Variants in CHGA observed in about 807,000 individuals in gnomAD.
CHGA encodes chromogranin A, also known as chromogranin-A.
A neutral mutation model predicts 54.4 loss-of-function variants in CHGA; 41 were observed. The observed-to-expected ratio is 0.75, with a 90% CI of 0.59 to 0.98. The LOEUF is 0.98. Ranked by LOEUF, CHGA falls within the 50% of genes least tolerant of loss-of-function variation. The probability of loss-of-function intolerance (pLI) is 0.00; values close to 1 mark genes in which losing one functional copy is unlikely to be tolerated. For synonymous variants in CHGA, 249 were observed against 232.8 expected, an observed-to-expected ratio of 1.07 and a Z score of -0.63; for missense variants, 576 against 582.3, an observed-to-expected ratio of 0.99 and a Z score of 0.11.
intron 7 of CHGA, among the ~76,000 whole-genome samples, chr14:92,934,109 C>A (rs1217841786): frequency 6.6e-6 from 1 of 152,226 alleles, no homozygotes; most frequent in Non-Finnish European, 1.5e-5. Context: ...ATGACCCCTC[C>A]CAGGTCAAAG....
At chr14:92,931,849 CAG>C in intron 6 of CHGA, 147 bp downstream of exon 6, 3 of 853,944 alleles carry the variant, frequency 3.5e-6, no homozygotes, top group Non-Finnish European at 5.4e-6. Context: ...AAATGAGGCT[CAG>C]AGAGGTTAAG....
chr14:92,925,607 C>T (rs1485792165), intron 2 of CHGA, among the ~76,000 whole-genome samples: 9 of 152,202 alleles, frequency 5.9e-5, no homozygotes, highest in Non-Finnish European at 8.8e-5. Flanking sequence ...CCTCCCACCC[C>T]CTCACTCCCT....
chr14:92,926,847 G>C, intron 3 of CHGA, 149 bp downstream of exon 3: 1 of 701,772 alleles, frequency 1.4e-6, no homozygotes, highest in Non-Finnish European at 2.5e-6. Flanking sequence ...CAGGGTCCAA[G>C]GTGTACAGAC....
chr14:92,923,083 G>A, upstream of CHGA: 1 of 289,080 alleles, frequency 3.5e-6, no homozygotes, highest in Non-Finnish European at 6.4e-6. Context: ...AAAGGGGAAG[G>A]GGGCGGCACC....
In CHGA at chr14:92,935,134, G is replaced by C; in HGVS notation, c.*250G>C. On this transcript the variant is annotated 3_prime_UTR_variant, in exon 8 of 8. Transcript: ENST00000216492. ...ATTGACGATTCCTTCTCTGAACACA[G>C]GCAGCTTTCTAGAAGTTTCCCTTCC... 1 of 485,370 alleles carries C rather than the reference G, an allele frequency of 2.1e-6. No homozygotes were observed. The highest frequency in any genetic ancestry group is 3.5e-5 in the South Asian group (1 of 28,676). 30.1% of individuals were successfully genotyped at this position (485,370 alleles called of 1,614,324 possible).
At chr14:92,928,350 G>A (rs958540852) in intron 4 of CHGA, among the ~76,000 whole-genome samples, 2 of 152,218 alleles carry the variant, frequency 1.3e-5, no homozygotes, top group African/African-American at 2.4e-5. Context: ...TGAGAACAGA[G>A]AGGGCTTTGG....
intron 4 of CHGA, 62 bp downstream of exon 4, chr14:92,927,680 T>A: frequency 7.5e-7 from 1 of 1,333,370 alleles, no homozygotes; most frequent in Non-Finnish European, 1.1e-6. Flanking sequence ...TCAGAAAATC[T>A]GGTGGAAGAT....
rs757076345 is a variant in CHGA at position 92,932,731 on chromosome 14, GCGA to G, written c.1174_1176del (p.Arg392del). On this transcript the variant is annotated inframe_deletion, in exon 7 of 8. Coordinates refer to ENST00000216492, the MANE Select transcript of CHGA (RefSeq NM_001275.4). The surrounding 1 kb of genome is among the most constrained non-coding windows in gnomAD (Gnocchi z 5.3). ...GCTTCAGGGGCCCTGGGCCGCAGCT[GCGA>G]CGAGGCTGGAGGCCATCCTCCCGGG... 2 of 1,610,728 alleles carry G rather than the reference GCGA, an allele frequency of 1.2e-6. No homozygotes were observed. The highest frequency in any genetic ancestry group is 3.3e-5 in the Admixed American group (2 of 59,870).
At chr14:92,926,831 C>A in intron 3 of CHGA, 133 bp downstream of exon 3, 1 of 759,642 alleles carries the variant, frequency 1.3e-6, no homozygotes, top group Non-Finnish European at 2.2e-6. Flanking sequence ...TGTCCAGGCA[C>A]TGCACCAGGG....
In CHGA at chr14:92,931,441, AC is replaced by A; in HGVS notation, c.550del (p.His184ThrfsTer34). 1 of 1,606,466 alleles carries A rather than the reference AC, an allele frequency of 6.2e-7. No homozygotes were observed. The highest frequency in any genetic ancestry group is 8.5e-7 in the Non-Finnish European group (1 of 1,177,386). ...EEEEEEEATN[T>X]HPPASLPSQK... ...GGAGGAGGAGGAGGAGGCCACCAAC[AC>A]CCACCCTCCAGCCAGCCTCCCCAGC... On this transcript the variant is annotated frameshift_variant, in exon 6 of 8. Coordinates refer to ENST00000216492, the MANE Select transcript of CHGA (RefSeq NM_001275.4). LOFTEE classifies it high-confidence loss of function.
chr14:92,932,347 C>T lies in CHGA; in HGVS notation c.809-23C>T. On this transcript the variant is annotated intron_variant, in intron 6 of 7. Coordinates refer to ENST00000216492, the MANE Select transcript of CHGA (RefSeq NM_001275.4). This position sits in a 1 kb window ranked among gnomAD's most constrained non-coding sequence, Gnocchi z 5.3. ...TGGTGGTCCCCCACCCATTCTCCTG[C>T]TCTTGCCCACCACCTGCTCCAGGTC... The T allele has an allele frequency of 6.4e-7, 1 of 1,558,024 alleles. No homozygotes were observed. Among genetic ancestry groups the T allele is most frequent in the Non-Finnish European group, 8.7e-7 (1 of 1,151,274 alleles).
Position 92,932,380 on chromosome 14 carries a change from G to T in CHGA, c.819G>T (p.Glu273Asp), listed in dbSNP as rs1386920222. ...CACCACCTGCTCCAGGTCGGTCGGA[G>T]GCTCTGGCTGTGGATGGAGCTGGGA... The part of the protein sequence containing the change: ...KEIRKGESRS[E>D]ALAVDGAGKP... The change falls in exon 7 of 8, where the codon GAG (glutamate) becomes GAT (aspartate). Residue 273 changes from glutamate to aspartate, a missense_variant. By Grantham distance (45) the Glu-to-Asp change is conservative (BLOSUM62 2). Coordinates refer to ENST00000216492, the MANE Select transcript of CHGA (RefSeq NM_001275.4). The surrounding 1 kb of genome is among the most constrained non-coding windows in gnomAD (Gnocchi z 5.3). 2 of 1,583,562 alleles carry T rather than the reference G, an allele frequency of 1.3e-6. No homozygotes were observed. Among genetic ancestry groups the T allele is most frequent in the African/African-American group, 1.3e-5 (1 of 74,576 alleles).
chr14:92,923,504 C>T (rs1390542985), intron 1 of CHGA, 99 bp downstream of exon 1: 5 of 1,087,018 alleles, frequency 4.6e-6, no homozygotes, highest in African/African-American at 1.6e-5. Flanking sequence ...TCCACACTTC[C>T]CTTCGGGCGC....
chr14:92,923,641 C>A (rs1886831730), intron 1 of CHGA, among the ~76,000 whole-genome samples: 2 of 152,222 alleles, frequency 1.3e-5, no homozygotes, highest in Non-Finnish European at 2.9e-5. Context: ...CCCCTTGTGC[C>A]CACCCCTTGT....
At chr14:92,926,434 C>T in intron 2 of CHGA, 171 bp from the exon 3 acceptor site, 1 of 619,502 alleles carries the variant, frequency 1.6e-6, no homozygotes. Context: ...ATTATCATTG[C>T]TATCACTGTC....
chr14:92,924,686 C>A (rs1003374184), intron 2 of CHGA, among the ~76,000 whole-genome samples: 4 of 152,234 alleles, frequency 2.6e-5, no homozygotes, highest in African/African-American at 9.6e-5. Flanking sequence ...CCACACCCAG[C>A]AGGCTCTCCA....
chr14:92,930,346 C>A (rs375478543), intron 5 of CHGA, among the ~76,000 whole-genome samples: 1 of 152,226 alleles, frequency 6.6e-6, no homozygotes, highest in Non-Finnish European at 1.5e-5. Context: ...CCTCCCTTCC[C>A]GGGGAGAGCC....
At chr14:92,933,460 T>G (rs1219829122) in intron 7 of CHGA, among the ~76,000 whole-genome samples, 2 of 152,076 alleles carry the variant, frequency 1.3e-5, no homozygotes, top group Non-Finnish European at 2.9e-5. Flanking sequence ...ACAAAGGCTT[T>G]GAAAACCAGG....
In CHGA at chr14:92,923,414, G is replaced by A. The variant is rs374068989; in HGVS notation, c.46+9G>A. 4.8e-5 allele frequency: 61 copies of A among 1,258,392 alleles called. No individual in the cohort carries two copies. In the African/African-American group the frequency reaches 8.4e-4, roughly 17 times the overall value. The allele number at this position is 1,258,392 out of a possible 1,614,324, so 78.0% of individuals were successfully genotyped here. On this transcript the variant is annotated intron_variant, in intron 1 of 7. Transcript: ENST00000216492. ...GCTCTGCGCCGGGCAAGGTGAGCGA[G>A]CGCGGGGAGCTCGCGGGAGAGGGTT...
Sources: gnomAD v4.1 joint callset for allele counts (sites outside exome capture counted in the v4.1 genomes callset) on GRCh38, gnomAD v4.1.1 for gene constraint, Gnocchi (gnomAD v3.1) non-coding constraint, MANE v1.5 for transcripts, NCBI Gene and HGNC (gene_info 2026-07-23, HGNC 2026-07-21) for gene names.